Variants in EYS observed in about 807,000 individuals in gnomAD.
The protein encoded by EYS is EGF-like photoreceptor maintenance factor.
In EYS, 250 loss-of-function variants were observed where a neutral mutation model predicts 282.1. The observed-to-expected ratio is 0.89, with a 90% CI of 0.80 to 0.98. EYS has a LOEUF of 0.98. Among genes scored for constraint, EYS ranks in the 50% least tolerant of loss-of-function variants. EYS has a pLI of 0.00. For missense variants in EYS, 4,016 were observed against 3,709.0 expected, an observed-to-expected ratio of 1.08 and a Z score of -2.15; for synonymous variants, 1,355 against 1,282.9, an observed-to-expected ratio of 1.06 and a Z score of -1.20.
intron 26 of EYS, among the ~76,000 whole-genome samples, chr6:64,510,394 T>A (rs757082722): frequency 6.6e-6 from 1 of 152,134 alleles, no homozygotes. Flanking sequence ...TTTAATGTCA[T>A]GCTAAAAATT....
At chr6:65,441,178 A>C (rs1768310417) in intron 5 of EYS, among the ~76,000 whole-genome samples, 2 of 151,516 alleles carry the variant, frequency 1.3e-5, no homozygotes, top group South Asian at 4.1e-4. Flanking sequence ...ATTAGTATTT[A>C]TTTTCAATGT....
chr6:65,678,360 G>A (rs189764792), intron 1 of EYS, among the ~76,000 whole-genome samples: 45 of 152,128 alleles, frequency 3.0e-4, no homozygotes, highest in African/African-American at 1.0e-3. Context: ...AATAAAAGGT[G>A]TTGGGAAAAA....
chr6:65,042,640 T>C (rs9453160), intron 13 of EYS, among the ~76,000 whole-genome samples: 92,500 of 150,966 alleles, frequency 0.61, 28,822 homozygotes, highest in East Asian at 0.75. Context: ...ATTTGTTATG[T>C]TTATTATTTA....
intron 26 of EYS, among the ~76,000 whole-genome samples, chr6:64,563,028 A>T (rs1021755058): frequency 1.3e-5 from 2 of 152,088 alleles, no homozygotes; most frequent in Non-Finnish European, 2.9e-5. Flanking sequence ...GTTGTGAATA[A>T]TGCAAATATT....
chr6:64,616,753 C>A (rs1175786569), intron 24 of EYS, among the ~76,000 whole-genome samples: 1 of 151,940 alleles, frequency 6.6e-6, no homozygotes, highest in Non-Finnish European at 1.5e-5. Context: ...CTGACTATAC[C>A]CCATCTCTAA....
intron 14 of EYS, among the ~76,000 whole-genome samples, chr6:64,951,308 C>G (rs1769499717): frequency 6.6e-6 from 1 of 151,660 alleles, no homozygotes. Context: ...GAAGAAAAAC[C>G]AGCAAAAAAA....
chr6:64,992,052 T>C (rs564082728), intron 14 of EYS, among the ~76,000 whole-genome samples: 2 of 151,922 alleles, frequency 1.3e-5, no homozygotes, highest in African/African-American at 4.8e-5. Flanking sequence ...GGACCCATCA[T>C]CTGAATCAGA....
At chr6:64,026,969 A>T (rs551851002) in intron 33 of EYS, among the ~76,000 whole-genome samples, 36 of 152,298 alleles carry the variant, frequency 2.4e-4, no homozygotes, top group African/African-American at 7.9e-4. Context: ...CAAACCTTTG[A>T]CCTCACTTAG....
chr6:65,616,157 A>G (rs1766191858), intron 2 of EYS, among the ~76,000 whole-genome samples: 1 of 152,094 alleles, frequency 6.6e-6, no homozygotes, highest in African/African-American at 2.4e-5. Flanking sequence ...TCCAATTTTT[A>G]AAGCCAGCTT....
chr6:64,965,125 T>C (rs2150108152), intron 14 of EYS, among the ~76,000 whole-genome samples: 1 of 152,268 alleles, frequency 6.6e-6, no homozygotes, highest in Middle Eastern at 3.4e-3. Flanking sequence ...CATCATAATA[T>C]TAAAACTGCA....
chr6:65,317,830 CTTTCTTTCTTTCTTTCTTTCTTT>C lies in EYS; in HGVS notation c.1766+17127_1766+17149del, dbSNP rs1769345726. ...CCTTCCTTCCTTCCTTCCTTCCTTT[CTTTCTTTCTTTCTTTCTTTCTTT>C]CTTTCTTTCTTTCTTTCTTTCTTTC... On this transcript the variant is annotated intron_variant, in intron 11 of 42. Coordinates refer to ENST00000503581, the MANE Select transcript of EYS (RefSeq NM_001142800.2). 7.4e-3 allele frequency among the ~76,000 whole-genome samples: 581 copies of C among 78,508 alleles called. 8 individuals are homozygous for C. The East Asian group carries it at 0.074, about 10-fold the overall frequency. The allele number at this position is 78,508 out of a possible 152,430, so 51.5% of individuals were successfully genotyped here.
intron 19 of EYS, among the ~76,000 whole-genome samples, chr6:64,847,220 T>A (rs1026532683): frequency 6.6e-6 from 1 of 151,864 alleles, no homozygotes; most frequent in African/African-American, 2.4e-5. Context: ...AATACAAAAT[T>A]CCCCTCTCTC....
intron 26 of EYS, among the ~76,000 whole-genome samples, chr6:64,501,498 A>C (rs961655700): frequency 6.6e-6 from 1 of 152,058 alleles, no homozygotes; most frequent in African/African-American, 2.4e-5. Context: ...ATTGAAAATA[A>C]AACAAGGTTC....
intron 31 of EYS, among the ~76,000 whole-genome samples, chr6:64,230,350 A>C (rs911301879): frequency 2.6e-5 from 4 of 152,212 alleles, no homozygotes; most frequent in African/African-American, 9.6e-5. Context: ...TTTAACTTCT[A>C]TTTTATATGG....
chr6:65,648,025 T>TAAAAAAA (rs1398947392), intron 1 of EYS, among the ~76,000 whole-genome samples: 1 of 151,796 alleles, frequency 6.6e-6, no homozygotes, highest in African/African-American at 2.4e-5. Flanking sequence ...AAATAAAAAA[T>TAAAAAAA]AATAGATCTT....
chr6:64,757,744 T>TTGTGTGTGTGTGTGTGTGTG (rs66825340), intron 22 of EYS, among the ~76,000 whole-genome samples: 7 of 139,814 alleles, frequency 5.0e-5, no homozygotes, highest in Non-Finnish European at 6.2e-5. Context: ...CTTTTTTTCT[T>TTGTGTGTGTGTGTGTGTGTG]TGTGTGTGTG....
At chr6:65,611,995 C>A (rs1044228917) in intron 2 of EYS, among the ~76,000 whole-genome samples, 3 of 151,824 alleles carry the variant, frequency 2.0e-5, no homozygotes, top group African/African-American at 4.8e-5. Context: ...ACATTATTTG[C>A]ATATATAAGC....
At chr6:63,936,037 T>G (rs1419902746) in intron 35 of EYS, among the ~76,000 whole-genome samples, 1 of 152,236 alleles carries the variant, frequency 6.6e-6, no homozygotes, top group Non-Finnish European at 1.5e-5. Flanking sequence ...CTTTTTTCAC[T>G]AAATTTCCCC....
At chr6:64,063,794 C>A (rs1771265538) in intron 33 of EYS, among the ~76,000 whole-genome samples, 1 of 152,146 alleles carries the variant, frequency 6.6e-6, no homozygotes, top group South Asian at 2.1e-4. Flanking sequence ...GTGGCAGGAT[C>A]TCGGCTCACT....
Sources: allele counts gnomAD v4.1 joint callset (sites outside exome capture counted in the v4.1 genomes callset), GRCh38; gene constraint gnomAD v4.1.1; transcripts MANE v1.5; gene names NCBI Gene and HGNC (gene_info 2026-07-23, HGNC 2026-07-21).